Variants in PPP2R2B observed in about 807,000 individuals in gnomAD.
PPP2R2B encodes serine/threonine-protein phosphatase 2A 55 kDa regulatory subunit B beta isoform.
Under a neutral mutation model 46.0 loss-of-function variants are expected in PPP2R2B, and 5 were observed. That is an observed-to-expected ratio of 0.11 (90% CI 0.06 to 0.23). PPP2R2B has a LOEUF of 0.23. Ranked by LOEUF, PPP2R2B falls within the 10% of genes least tolerant of loss-of-function variation. PPP2R2B has a pLI of 1.00. For synonymous variants in PPP2R2B, 215 were observed against 206.7 expected, an observed-to-expected ratio of 1.04 and a Z score of -0.34; for missense variants, 367 against 575.0, an observed-to-expected ratio of 0.64 and a Z score of 3.70.
At chr5:146,628,192 G>C (rs1031140610) in intron 7 of PPP2R2B, among the ~76,000 whole-genome samples, 1 of 152,074 alleles carries the variant, frequency 6.6e-6, no homozygotes, top group East Asian at 1.9e-4. Context: ...TGATCTGCCC[G>C]CCTCAGCCTC....
chr5:146,691,735 C>T (rs73320012), intron 4 of PPP2R2B, among the ~76,000 whole-genome samples: 1 of 152,148 alleles, frequency 6.6e-6, no homozygotes, highest in Non-Finnish European at 1.5e-5. Flanking sequence ...TTCTGACCCC[C>T]CTGTCCATCC....
intron 2 of PPP2R2B, among the ~76,000 whole-genome samples, chr5:146,858,874 T>G (rs2151390551): frequency 1.3e-5 from 2 of 152,194 alleles, no homozygotes; most frequent in Middle Eastern, 6.8e-3. Flanking sequence ...TAACAATGAG[T>G]GACTTTAGGA....
At chr5:147,022,168 T>C (rs144449790) in intron 1 of PPP2R2B, among the ~76,000 whole-genome samples, 84 of 152,172 alleles carry the variant, frequency 5.5e-4, no homozygotes, top group African/African-American at 1.9e-3. Flanking sequence ...AACATAAGTG[T>C]TGTGTAGGAA....
At chr5:146,629,687 G>A (rs147790931) in intron 7 of PPP2R2B, among the ~76,000 whole-genome samples, 11 of 151,754 alleles carry the variant, frequency 7.2e-5, no homozygotes, top group African/African-American at 2.7e-4. Flanking sequence ...CTACCTCTCT[G>A]GCTTCACTTT....
At chr5:146,949,950 A>G (rs916983261) in intron 1 of PPP2R2B, among the ~76,000 whole-genome samples, 17 of 152,044 alleles carry the variant, frequency 1.1e-4, no homozygotes, top group African/African-American at 4.1e-4. Flanking sequence ...AGAGAGTAGA[A>G]TGATGGTTAC....
At chr5:147,039,305 C>T (rs1756188097) in intron 1 of PPP2R2B, among the ~76,000 whole-genome samples, 1 of 152,136 alleles carries the variant, frequency 6.6e-6, no homozygotes, top group Admixed American at 6.6e-5. Context: ...GGCTATTTTC[C>T]CCTACTAATA....
At chr5:146,908,777 CCCTCCCTT>C (rs200380168) in intron 1 of PPP2R2B, among the ~76,000 whole-genome samples, 17 of 150,558 alleles carry the variant, frequency 1.1e-4, no homozygotes, top group Non-Finnish European at 2.4e-4. Context: ...TCCTTTCCCG[CCCTCCCTT>C]CCTCCCTTCC....
chr5:147,044,269 A>G (rs1210227566), intron 1 of PPP2R2B, among the ~76,000 whole-genome samples: 1 of 152,140 alleles, frequency 6.6e-6, no homozygotes, highest in Non-Finnish European at 1.5e-5. Flanking sequence ...AGACTTAGGC[A>G]TACTTGGCAT....
intron 7 of PPP2R2B, among the ~76,000 whole-genome samples, chr5:146,605,243 T>G (rs1772155083): frequency 6.6e-6 from 1 of 152,244 alleles, no homozygotes; most frequent in African/African-American, 2.4e-5. Context: ...TCTTAACCTC[T>G]GTCCTACTCT....
At chr5:146,744,327 G>T (rs1374859443) in intron 2 of PPP2R2B, among the ~76,000 whole-genome samples, 1 of 152,152 alleles carries the variant, frequency 6.6e-6, no homozygotes, top group East Asian at 1.9e-4. Context: ...TGTCTCCGCA[G>T]CCAAAGAAGC....
chr5:147,059,597 A>C (rs1757197698), upstream of PPP2R2B, among the ~76,000 whole-genome samples: 1 of 152,202 alleles, frequency 6.6e-6, no homozygotes, highest in South Asian at 2.1e-4. Flanking sequence ...GGAAAGATAA[A>C]GGTGACCCAT....
chr5:146,962,770 T>C (rs1387334841), intron 1 of PPP2R2B, among the ~76,000 whole-genome samples: 4 of 152,176 alleles, frequency 2.6e-5, no homozygotes, highest in Non-Finnish European at 5.9e-5. Context: ...ACCCTCAAGT[T>C]CGCTGCGGAA....
intron 7 of PPP2R2B, among the ~76,000 whole-genome samples, chr5:146,637,916 G>A (rs1774927234): frequency 6.6e-6 from 1 of 152,052 alleles, no homozygotes; most frequent in Non-Finnish European, 1.5e-5. Flanking sequence ...CCCTTCAACG[G>A]TCTCCTAACT....
At chr5:146,634,686 C>T (rs1476868562) in intron 7 of PPP2R2B, among the ~76,000 whole-genome samples, 1 of 151,978 alleles carries the variant, frequency 6.6e-6, no homozygotes, top group African/African-American at 2.4e-5. Flanking sequence ...GGGTCTTCAG[C>T]TTGCTGGCTG....
chr5:146,733,228 T>C (rs1752335321), intron 2 of PPP2R2B, among the ~76,000 whole-genome samples: 1 of 152,182 alleles, frequency 6.6e-6, no homozygotes, highest in Non-Finnish European at 1.5e-5. Flanking sequence ...TGTGGGAACA[T>C]GGGATAAAAC....
chr5:146,665,292 A>G (rs563565756), intron 5 of PPP2R2B, among the ~76,000 whole-genome samples: 2 of 152,196 alleles, frequency 1.3e-5, no homozygotes, highest in African/African-American at 4.8e-5. Flanking sequence ...ACCGCCACCC[A>G]TGATCTTAGC....
intron 2 of PPP2R2B, among the ~76,000 whole-genome samples, chr5:146,781,274 A>C (rs1367216520): frequency 4.7e-5 from 7 of 149,690 alleles, no homozygotes; most frequent in Admixed American, 2.7e-4. Context: ...ATATCAACCC[A>C]GGTCTAAGTC....
chr5:147,057,930 C>T (rs368740693), upstream of PPP2R2B, among the ~76,000 whole-genome samples: 49 of 152,264 alleles, frequency 3.2e-4, 1 homozygote, highest in South Asian at 0.01. Context: ...ATATAAAGGG[C>T]TTAGCTCAGT....
At chr5:146,707,849 T>C (rs993566257) in intron 2 of PPP2R2B, among the ~76,000 whole-genome samples, 1 of 152,204 alleles carries the variant, frequency 6.6e-6, no homozygotes, top group African/African-American at 2.4e-5. Context: ...CAAAAGTTTA[T>C]CAGAGAGAAT....
Sources: allele counts gnomAD v4.1 joint callset (sites outside exome capture counted in the v4.1 genomes callset), GRCh38; gene constraint gnomAD v4.1.1; transcripts MANE v1.5; gene names NCBI Gene and HGNC (gene_info 2026-07-23, HGNC 2026-07-21).